Variants in PLD5 observed in about 807,000 individuals in gnomAD.
PLD5 encodes the protein inactive phospholipase D5.
PLD5 carries 36 observed loss-of-function variants against 61.1 expected under a neutral mutation model. That is an observed-to-expected ratio of 0.59 (90% CI 0.45 to 0.78). The LOEUF (loss-of-function observed/expected upper bound fraction) is 0.78, where lower values mean the gene tolerates loss of function less well. Ranked by LOEUF, PLD5 falls within the 30% of genes least tolerant of loss-of-function variation. The probability of loss-of-function intolerance (pLI) is 0.00; values close to 1 mark genes in which losing one functional copy is unlikely to be tolerated. For synonymous variants in PLD5, 243 were observed against 242.8 expected, an observed-to-expected ratio of 1.00 and a Z score of -0.01; for missense variants, 515 against 644.4, an observed-to-expected ratio of 0.80 and a Z score of 2.17.
intron 1 of PLD5, among the ~76,000 whole-genome samples, chr1:242,523,680 C>T (rs939020146): frequency 1.3e-5 from 2 of 152,222 alleles, no homozygotes; most frequent in African/African-American, 4.8e-5. Flanking sequence ...AGTTTTTGGA[C>T]TGAGTAAAAC....
At chr1:242,500,594 G>A (rs187957601) in intron 1 of PLD5, among the ~76,000 whole-genome samples, 65 of 152,308 alleles carry the variant, frequency 4.3e-4, no homozygotes, top group African/African-American at 1.5e-3. Flanking sequence ...TGGTACAGTT[G>A]CAGTCAGTAA....
At chr1:242,247,833 C>G (rs1291718516) in intron 4 of PLD5, among the ~76,000 whole-genome samples, 1 of 152,218 alleles carries the variant, frequency 6.6e-6, no homozygotes, top group Non-Finnish European at 1.5e-5. Flanking sequence ...AAAAACCGTG[C>G]TGCAGTGTAC....
intron 2 of PLD5, among the ~76,000 whole-genome samples, chr1:242,338,400 T>C (rs1200529637): frequency 1.3e-5 from 2 of 152,062 alleles, no homozygotes; most frequent in East Asian, 3.9e-4. Context: ...CTATACTTTC[T>C]GTTTTCAACA....
chr1:242,147,404 C>A (rs2148807892), intron 5 of PLD5: 1 of 152,262 alleles, frequency 6.6e-6, no homozygotes, highest in African/African-American at 2.4e-5. Context: ...GTTTGTTTAT[C>A]CATTCTCCAG....
chr1:242,450,824 C>A (rs754064123), intron 1 of PLD5, among the ~76,000 whole-genome samples: 48 of 152,212 alleles, frequency 3.2e-4, no homozygotes, highest in Non-Finnish European at 2.9e-4. Context: ...AATTAGGTGC[C>A]CACATGAGAG....
intron 9 of PLD5, among the ~76,000 whole-genome samples, chr1:242,096,444 C>G (rs541737970): frequency 5.6e-4 from 85 of 152,154 alleles, no homozygotes; most frequent in South Asian, 1.2e-3. Flanking sequence ...TGGACTCAAG[C>G]GATTCCCCTG....
chr1:242,238,262 A>C (rs888138999), intron 4 of PLD5, among the ~76,000 whole-genome samples: 3 of 152,202 alleles, frequency 2.0e-5, no homozygotes, highest in Non-Finnish European at 4.4e-5. Context: ...CCTGAAAACA[A>C]TAAAACACCT....
Position 242,419,387 on chromosome 1 carries a change from T to TTTG in PLD5, c.190-71146_190-71145insCAA, listed in dbSNP as rs751630354. On this transcript the variant is annotated intron_variant, in intron 1 of 9. Coordinates refer to ENST00000536534, the MANE Select transcript of PLD5 (RefSeq NM_001372062.1). ...AAGCTGAGTGCAGTCCTGATTTTTGTTTTTTTTTTTTTTTTTTTGGCGGGG... is the reference window on the plus strand; with the variant it reads ...AAGCTGAGTGCAGTCCTGATTTTTGTTTGTTTTTTTTTTTTTTTTTTGGCGGGG... Among the ~76,000 whole-genome samples the TTTG allele has an allele frequency of 2.9e-3, 263 of 91,632 alleles. 5 individuals carry two copies. The highest frequency in any genetic ancestry group is 0.012 in the East Asian group (37 of 3,192). 60.1% of individuals were successfully genotyped at this position (91,632 alleles called of 152,430 possible). A position where few individuals can be genotyped will look rare whatever the true frequency, so the allele number is the denominator to read the frequency against.
intron 2 of PLD5, among the ~76,000 whole-genome samples, chr1:242,335,691 T>C (rs1266594275): frequency 6.6e-6 from 1 of 152,206 alleles, no homozygotes; most frequent in Non-Finnish European, 1.5e-5. Flanking sequence ...ACAGCCCTGA[T>C]TCATCTTATA....
intron 2 of PLD5, among the ~76,000 whole-genome samples, chr1:242,316,453 G>T (rs1657987986): frequency 6.6e-6 from 1 of 152,004 alleles, no homozygotes; most frequent in Non-Finnish European, 1.5e-5. Flanking sequence ...CCTGAACTGG[G>T]GAGATGGTTA....
chr1:242,274,710 C>T (rs1400622363), intron 3 of PLD5, among the ~76,000 whole-genome samples: 9 of 151,792 alleles, frequency 5.9e-5, no homozygotes, highest in East Asian at 2.0e-4. Flanking sequence ...GCTGAGATCG[C>T]GCCACTGCAC....
chr1:242,388,083 G>A (rs1662704692), intron 1 of PLD5, among the ~76,000 whole-genome samples: 1 of 152,164 alleles, frequency 6.6e-6, no homozygotes. Flanking sequence ...TGTCACAGAG[G>A]TAGAAAGCAT....
chr1:242,214,613 A>C (rs1670030731), intron 5 of PLD5, among the ~76,000 whole-genome samples: 1 of 152,184 alleles, frequency 6.6e-6, no homozygotes, highest in Admixed American at 6.5e-5. Flanking sequence ...GGAGAAACTT[A>C]TCTAAACAAT....
intron 1 of PLD5, among the ~76,000 whole-genome samples, chr1:242,486,193 A>G (rs1448501604): frequency 6.6e-6 from 1 of 152,222 alleles, no homozygotes; most frequent in East Asian, 1.9e-4. Context: ...AGCAATGGCA[A>G]CAAAAGACAA....
At chr1:242,262,944 T>C (rs576554629) in intron 4 of PLD5, among the ~76,000 whole-genome samples, 3,624 of 152,092 alleles carry the variant, frequency 0.024, 82 homozygotes, top group African/African-American at 0.06. Flanking sequence ...CCTCCCTGGG[T>C]GCAAGGACTT....
intron 1 of PLD5, among the ~76,000 whole-genome samples, chr1:242,436,926 T>C (rs6683409): frequency 0.26 from 40,156 of 152,166 alleles, 6,666 homozygotes; most frequent in African/African-American, 0.47. Context: ...AGAAGCCTCT[T>C]GGAATTATGG....
upstream of PLD5, among the ~76,000 whole-genome samples, chr1:242,527,114 C>CTTTTTTTTTTTTTTT (rs530334746): frequency 2.3e-3 from 162 of 71,968 alleles, 24 homozygotes; most frequent in Non-Finnish European, 2.8e-3. Context: ...CTATCTCCTT[C>CTTTTTTTTTTTTTTT]TTTTTTTTTT....
At chr1:242,280,126 C>T (rs1674639243) in intron 3 of PLD5, among the ~76,000 whole-genome samples, 1 of 152,130 alleles carries the variant, frequency 6.6e-6, no homozygotes, top group Non-Finnish European at 1.5e-5. Context: ...TTAAAATACC[C>T]ATTTTATAGA....
intron 3 of PLD5, among the ~76,000 whole-genome samples, chr1:242,270,275 T>C (rs915275597): frequency 4.0e-5 from 6 of 150,630 alleles, no homozygotes; most frequent in Admixed American, 1.3e-4. Context: ...CTCCACATCA[T>C]AATGAGAACC....
Sources: allele counts gnomAD v4.1 joint callset (sites outside exome capture counted in the v4.1 genomes callset), GRCh38; gene constraint gnomAD v4.1.1; transcripts MANE v1.5; gene names NCBI Gene and HGNC (gene_info 2026-07-23, HGNC 2026-07-21).